WDR64: variants seen among roughly 807,000 people sequenced by gnomAD.
WDR64 encodes WD repeat-containing protein 64.
WDR64 carries 112 observed loss-of-function variants against 139.3 expected under a neutral mutation model. That is an observed-to-expected ratio of 0.80 (90% CI 0.69 to 0.94). The LOEUF (loss-of-function observed/expected upper bound fraction) is 0.94, where lower values mean the gene tolerates loss of function less well. WDR64 is among the 40% of genes least tolerant of loss of function. The probability of loss-of-function intolerance (pLI) is 0.00; values close to 1 mark genes in which losing one functional copy is unlikely to be tolerated. For synonymous variants in WDR64, 444 were observed against 437.7 expected, an observed-to-expected ratio of 1.01 and a Z score of -0.18; for missense variants, 1,206 against 1,293.1, an observed-to-expected ratio of 0.93 and a Z score of 1.03.
At chr1:241,709,405 A>G (rs1212174299) in intron 8 of WDR64, among the ~76,000 whole-genome samples, 1 of 152,194 alleles carries the variant, frequency 6.6e-6, no homozygotes, top group African/African-American at 2.4e-5. Flanking sequence ...TCTGGTTATT[A>G]CCCCTTAGGT....
chr1:241,761,274 A>ACT (rs1657883307), intron 15 of WDR64, among the ~76,000 whole-genome samples: 1 of 152,166 alleles, frequency 6.6e-6, no homozygotes, highest in Non-Finnish European at 1.5e-5. Context: ...CTGACATTGA[A>ACT]AAATCTAGTT....
intron 1 of WDR64, among the ~76,000 whole-genome samples, chr1:241,653,171 G>A (rs1665428725): frequency 6.6e-6 from 1 of 152,216 alleles, no homozygotes; most frequent in African/African-American, 2.4e-5. Flanking sequence ...AGATGCCAGT[G>A]CATAGACAAG....
At chr1:241,743,513 C>T (rs1043225469) in intron 12 of WDR64, among the ~76,000 whole-genome samples, 2 of 152,176 alleles carry the variant, frequency 1.3e-5, no homozygotes, top group Admixed American at 6.5e-5. Flanking sequence ...CCCTCTTACC[C>T]AGCTAAAGTG....
At position 241,703,680 on chromosome 1, in the gene WDR64, C is replaced by T. The variant is rs1458050898; in HGVS notation, c.975-8122C>T. On this transcript the variant is annotated intron_variant, in intron 8 of 27. Transcript: ENST00000437684. The surrounding 1 kb of genome is among the most constrained non-coding windows in gnomAD (Gnocchi z 5.9). ...TGGGAGCCTTCTATATTCAAAGAAC[C>T]GTTGTGTATTAATCCATTTTCACAC... Among the ~76,000 whole-genome samples, 1 of 151,948 alleles carries T rather than the reference C, an allele frequency of 6.6e-6. No homozygotes were observed. The highest frequency in any genetic ancestry group is 1.5e-5 in the Non-Finnish European group (1 of 67,984).
intron 7 of WDR64, among the ~76,000 whole-genome samples, chr1:241,685,744 C>T (rs1666979492): frequency 1.3e-5 from 2 of 152,126 alleles, no homozygotes; most frequent in African/African-American, 4.8e-5. Flanking sequence ...TTACTGGCTC[C>T]ATTTTCCATC....
chr1:241,722,310 T>G (rs1276648074), intron 9 of WDR64, among the ~76,000 whole-genome samples: 1 of 152,180 alleles, frequency 6.6e-6, no homozygotes, highest in Non-Finnish European at 1.5e-5. Context: ...TGACAGAATA[T>G]ATCATTGATG....
chr1:241,754,122 C>T (rs999709353), intron 14 of WDR64, among the ~76,000 whole-genome samples: 1 of 151,798 alleles, frequency 6.6e-6, no homozygotes, highest in Non-Finnish European at 1.5e-5. Flanking sequence ...CTCGCAGACA[C>T]ATGAAAAAAT....
At chr1:241,757,182 T>G in intron 14 of WDR64, 101 bp from the exon 15 acceptor site, 1 of 1,055,620 alleles carries the variant, frequency 9.5e-7, no homozygotes. Context: ...TAAAGCTAGA[T>G]GGTAGATACA....
chr1:241,698,547 ACTC>A (rs1558478116), intron 8 of WDR64, among the ~76,000 whole-genome samples: 1 of 151,770 alleles, frequency 6.6e-6, no homozygotes, highest in Non-Finnish European at 1.5e-5. Context: ...CGCCCAGCAT[ACTC>A]CTCACCTCAT....
chr1:241,653,182 A>G (rs1665429055), intron 1 of WDR64, among the ~76,000 whole-genome samples: 1 of 152,212 alleles, frequency 6.6e-6, no homozygotes, highest in African/African-American at 2.4e-5. Flanking sequence ...CATAGACAAG[A>G]TTCAAGGGGA....
intron 10 of WDR64, among the ~76,000 whole-genome samples, chr1:241,726,986 A>C (rs2148209246): frequency 6.6e-6 from 1 of 152,136 alleles, no homozygotes; most frequent in Non-Finnish European, 1.5e-5. Context: ...TCCCAGGTTC[A>C]AGCTATTCTC....
At chr1:241,725,860 C>T (rs928185126) in intron 10 of WDR64, among the ~76,000 whole-genome samples, 3 of 152,142 alleles carry the variant, frequency 2.0e-5, no homozygotes, top group African/African-American at 7.2e-5. Context: ...CAGGATCTTG[C>T]TCTGTCGTCC....
At chr1:241,748,264 C>A (rs973366625) in intron 13 of WDR64, among the ~76,000 whole-genome samples, 1 of 152,188 alleles carries the variant, frequency 6.6e-6, no homozygotes, top group Admixed American at 6.5e-5. Flanking sequence ...GGGCTCAGAC[C>A]ATTTGACATG....
intron 25 of WDR64, among the ~76,000 whole-genome samples, chr1:241,793,813 C>T (rs370835529): frequency 8.7e-4 from 133 of 152,334 alleles, no homozygotes; most frequent in African/African-American, 3.1e-3. Context: ...AACATTAGCT[C>T]CACTTTCGCC....
At chr1:241,770,526 A>G in intron 17 of WDR64, 95 bp from the exon 18 acceptor site, 1 of 1,080,570 alleles carries the variant, frequency 9.3e-7, no homozygotes, top group East Asian at 2.7e-5. Flanking sequence ...TGATGAAAGA[A>G]GCAATCAGCT....
rs777410185 is a variant in WDR64 at position 241,687,610 on chromosome 1, T to G, written c.974+15T>G. The G allele has an allele frequency of 1.2e-6, 2 of 1,606,262 alleles. No homozygotes were observed. ...GAGGATAATTTGTAAGTATAGTAAT[T>G]TATATACATGAACAGTCTGTGAATT... On this transcript the variant is annotated intron_variant, in intron 8 of 27. Transcript: ENST00000437684.
rs751310635 is a variant in WDR64 at position 241,741,534 on chromosome 1, T to C, written c.1340T>C (p.Met447Thr). Residue 447 changes from methionine to threonine, a missense_variant, in exon 12 of 28, where the codon ATG becomes ACG. Met to Thr is a moderately conservative substitution (Grantham distance 81). Transcript: ENST00000437684. Reference protein sequence around the residue: ...MLITGSSVMDMYPLTRMIQDT... With the variant: ...MLITGSSVMDTYPLTRMIQDT... Reference sequence around the variant, plus strand: ...GTTCCAGGATCTAGTGTTATGGACATGTATCCTTTGACTAGGATGATACAA... The same window carrying C: ...GTTCCAGGATCTAGTGTTATGGACACGTATCCTTTGACTAGGATGATACAA... The C allele has an allele frequency of 6.2e-7, 1 of 1,611,144 alleles. No individual in the cohort carries two copies. Among genetic ancestry groups the C allele is most frequent in the South Asian group, 1.1e-5 (1 of 90,170 alleles).
At chr1:241,753,605 G>A (rs1670057258) in intron 14 of WDR64, among the ~76,000 whole-genome samples, 1 of 152,162 alleles carries the variant, frequency 6.6e-6, no homozygotes, top group East Asian at 1.9e-4. Context: ...CTGGGAGACT[G>A]AGGTGGGAGG....
intron 10 of WDR64, among the ~76,000 whole-genome samples, chr1:241,731,057 T>C (rs549091301): frequency 6.6e-6 from 1 of 152,340 alleles, no homozygotes; most frequent in East Asian, 1.9e-4. Flanking sequence ...TATATCTATA[T>C]TGCTTTACAA....
Sources: gnomAD v4.1 joint callset for allele counts (sites outside exome capture counted in the v4.1 genomes callset) on GRCh38, gnomAD v4.1.1 for gene constraint, Gnocchi (gnomAD v3.1) non-coding constraint, MANE v1.5 for transcripts, NCBI Gene and HGNC (gene_info 2026-07-23, HGNC 2026-07-21) for gene names.